The following HSPG2 variants were observed in gnomAD, a reference collection of about 807,000 sequenced individuals.
HSPG2 encodes the protein heparan sulfate proteoglycan 2.
A neutral mutation model predicts 526.6 loss-of-function variants in HSPG2; 278 were observed. The ratio of observed to expected loss-of-function variants is 0.53; its 90% CI spans 0.48 to 0.58. The LOEUF is 0.58. HSPG2 is among the 20% of genes least tolerant of loss of function. The pLI is 0.00. For missense variants in HSPG2, 5,354 were observed against 6,099.5 expected (o/e 0.88, Z 4.07); for synonymous variants, 2,465 against 2,555.4 (o/e 0.96, Z 1.07).
At position 21,823,374 on chromosome 1, in the gene HSPG2, G is replaced by T; in HGVS notation, c.13118C>A (p.Pro4373His). ...SARPGAPPPQ[P>H]LDLQHRAQAG... ...CTGGGCGCGGTGCTGCAGGTCCAGG[G>T]GCTGTGGGGGCGGGGCGCCGGGTCG... Residue 4373 changes from proline to histidine, a missense_variant, in exon 97 of 97, where the codon CCC becomes CAC. Pro to His is a moderately conservative substitution (Grantham distance 77, BLOSUM62 -2). Transcript: ENST00000374695. 2 of 1,551,510 alleles carry T rather than the reference G, an allele frequency of 1.3e-6. No homozygotes were observed. The highest frequency in any genetic ancestry group is 8.7e-7 in the Non-Finnish European group (1 of 1,152,746).
At chr1:21,917,157 C>G (rs1569577757) in intron 1 of HSPG2, among the ~76,000 whole-genome samples, 1 of 152,006 alleles carries the variant, frequency 6.6e-6, no homozygotes, top group Non-Finnish European at 1.5e-5. Flanking sequence ...AATGGCTGGG[C>G]GCGGTGGCAC....
chr1:21,826,743 A>T (rs2097976738), intron 91 of HSPG2, among the ~76,000 whole-genome samples: 1 of 152,034 alleles, frequency 6.6e-6, no homozygotes, highest in South Asian at 2.1e-4. Flanking sequence ...TCCCAACCTC[A>T]GGTGATCTGC....
At position 21,876,301 on chromosome 1, in the gene HSPG2, T is replaced by C. The variant is rs758485753; in HGVS notation, c.2931A>G (p.Gly977=). The C allele has an allele frequency of 6.2e-7, 1 of 1,613,940 alleles. No individual in the cohort carries two copies. The highest frequency in any genetic ancestry group is 1.1e-5 in the South Asian group (1 of 91,036). ...ATAAGAGTCTGTGGAAGGAGGAGAA[T>C]CCCAGTTCCCCGGGCGTGGGGGAGA... is the stretch of plus-strand genomic sequence containing the variant. ...GIFSPTPGEL[G]FSSFHRLLSG... The change falls in exon 23 of 97, where the codon GGA becomes GGG. Residue 977 remains glycine (G), a synonymous_variant. Coordinates refer to ENST00000374695, the MANE Select transcript of HSPG2 (RefSeq NM_005529.7).
At chr1:21,875,039 G>T in intron 25 of HSPG2, 37 bp from the exon 26 acceptor site, 1 of 1,468,790 alleles carries the variant, frequency 6.8e-7, no homozygotes, top group Non-Finnish European at 9.4e-7. Context: ...TAGGAGTGCT[G>T]GCTCTGTGCC....
chr1:21,829,471 G>A lies in HSPG2; in HGVS notation c.11904C>T (p.Phe3968=), dbSNP rs759194108. 1.1e-5 allele frequency: 17 copies of A among 1,613,398 alleles called. No homozygotes were observed. The South Asian group carries it at 1.8e-4, about 17-fold the overall frequency. ...CCACAGGCCCGCTCTTCCCCCCGCT[G>A]AACAGCAGGACCCCGTCAGGGGCGA... ...KPLAPDGVLL[F]SGGKSGPVED... The change falls in exon 87 of 97, where the codon TTC becomes TTT. Residue 3968 remains phenylalanine (F), a synonymous_variant. Transcript: ENST00000374695.
rs939588585 is a variant in HSPG2, at chr1:21,880,801, A to G, written c.1853T>C (p.Val618Ala). The part of the protein sequence containing the change: ...DSYGGSLRYN[V>A]RYELARGMLE... ...CATGCCACGGGCCAACTCGTAGCGC[A>G]CGTTGTAACGCAGGGAGCCGCCATA... The change falls in exon 15 of 97, where the codon GTG becomes GCG. Residue 618 changes from valine (V) to alanine (A), a missense_variant. Transcript: ENST00000374695. The G allele has an allele frequency of 2.5e-6, 4 of 1,596,110 alleles. No individual in the cohort carries two copies. The highest frequency in any genetic ancestry group is 3.4e-6 in the Non-Finnish European group (4 of 1,172,398).
At chr1:21,920,256 G>T (rs1296146341) in intron 1 of HSPG2, among the ~76,000 whole-genome samples, 1 of 152,234 alleles carries the variant, frequency 6.6e-6, no homozygotes, top group Non-Finnish European at 1.5e-5. Context: ...GAGGTTGAGG[G>T]GTTTGCCCAA....
At chr1:21,869,445 G>T in intron 33 of HSPG2, 1 of 986,016 alleles carries the variant, frequency 1.0e-6, no homozygotes, top group Non-Finnish European at 1.2e-6. Flanking sequence ...GGGATCCCTT[G>T]ATGGGCACCT....
rs2098046824 is a variant in HSPG2 at position 21,841,162 on chromosome 1, C to T, written c.9452G>A (p.Ser3151Asn). Residue 3151 changes from serine to asparagine, a missense_variant, in exon 71 of 97, where the codon AGC becomes AAC. By Grantham distance (46) the Ser-to-Asn change is conservative. Coordinates refer to ENST00000374695, the MANE Select transcript of HSPG2 (RefSeq NM_005529.7). ...CCGCTGCTCCAACTTGGCAGGGGTG[C>T]TGCTGATCCGGGTCCAACGAGCAGA... ...RSSARWTRIS[S>N]TPAKLEQRTY... 2.5e-6 allele frequency: 4 copies of T among 1,613,630 alleles called. No homozygotes were observed. In the South Asian group the frequency reaches 3.3e-5, roughly 13 times the overall value.
At chr1:21,842,691 G>C (rs1557698570) in intron 67 of HSPG2, 79 bp downstream of exon 67, 1 of 1,581,102 alleles carries the variant, frequency 6.3e-7, no homozygotes, top group Non-Finnish European at 8.7e-7. Context: ...GCTGGTGTTT[G>C]CATGAGGTTT....
At position 21,935,667 on chromosome 1, in the gene HSPG2, G is replaced by A. The variant is rs111925197; in HGVS notation, c.63+1488C>T. Among the ~76,000 whole-genome samples the A allele has an allele frequency of 2.8e-3, 432 of 152,316 alleles. 2 individuals carry two copies. Among genetic ancestry groups the A allele is most frequent in the African/African-American group, 7.2e-3 (301 of 41,578 alleles). ...CACCCACCGCCATCCTACCGCACCC[G>A]GGCATGGAGGAGCCCCTCATCGGGG... On this transcript the variant is annotated intron_variant, in intron 1 of 96. Coordinates refer to ENST00000374695, the MANE Select transcript of HSPG2 (RefSeq NM_005529.7).
rs758584149 is a variant in HSPG2 at position 21,839,968 on chromosome 1, T to G, written c.9563A>C (p.Gln3188Pro). 19 of 1,614,208 alleles carry G rather than the reference T, an allele frequency of 1.2e-5. 1 individual carries two copies. The highest frequency in any genetic ancestry group is 1.6e-5 in the Non-Finnish European group (19 of 1,180,046). Reference sequence around the variant, plus strand: ...CTTCTGTGCTGTGCCTAGTGCATTCTGAGCAAGGCACACATAAGTGCCCGC... The same window carrying G: ...CTTCTGTGCTGTGCCTAGTGCATTCGGAGCAAGGCACACATAAGTGCCCGC... ...SDAGTYVCLA[Q>P]NALGTAQKQV... The change falls in exon 72 of 97, where the codon CAG becomes CCG. Residue 3188 changes from glutamine to proline, a missense_variant. Gln to Pro is a moderately conservative substitution (Grantham distance 76, BLOSUM62 -1). Coordinates refer to ENST00000374695, the MANE Select transcript of HSPG2 (RefSeq NM_005529.7). The surrounding 1 kb of genome is among the most constrained non-coding windows in gnomAD (Gnocchi z 4.5).
rs772597048 is a variant in HSPG2, at chr1:21,887,378, T to C, written c.958+42A>G. 2.5e-6 allele frequency: 4 copies of C among 1,613,886 alleles called. No homozygotes were observed. In the South Asian group the frequency reaches 4.4e-5, roughly 18 times the overall value. ...GTCAGCAGCATCCTCCCGGGCCAGC[T>C]TCCTGCTCCCCGCACCCACCTGCAC... is the stretch of plus-strand genomic sequence containing the variant. On this transcript the variant is annotated intron_variant, in intron 8 of 96. Transcript: ENST00000374695. The surrounding 1 kb of genome is among the most constrained non-coding windows in gnomAD (Gnocchi z 5.0).
At chr1:21,902,380 C>T (rs1463869164) in intron 1 of HSPG2, among the ~76,000 whole-genome samples, 5 of 152,258 alleles carry the variant, frequency 3.3e-5, no homozygotes, top group East Asian at 1.9e-4. Context: ...GGGTCCAACA[C>T]GCATCCAGGG....
Position 21,824,070 on chromosome 1 carries a change from C to G in HSPG2, c.12899+51G>C. On this transcript the variant is annotated intron_variant, in intron 95 of 96. Transcript: ENST00000374695. This position sits in a 1 kb window ranked among gnomAD's most constrained non-coding sequence, Gnocchi z 5.9. The stretch of plus-strand genomic sequence containing the variant: ...CTGCCCATGGTAGGGGGCGTCCTGC[C>G]CCACTCCAGAACGCTGGGCCCCATC... 6.6e-7 allele frequency: 1 copy of G among 1,518,528 alleles called. No individual in the cohort carries two copies. The highest frequency in any genetic ancestry group is 9.1e-7 in the Non-Finnish European group (1 of 1,103,076). 94.1% of individuals were successfully genotyped at this position (1,518,528 alleles called of 1,614,324 possible). A position where few individuals can be genotyped will look rare whatever the true frequency, so the allele number is the denominator to read the frequency against.
intron 40 of HSPG2, 78 bp from the exon 41 acceptor site, chr1:21,860,080 C>G (rs1639672852): frequency 1.3e-6 from 2 of 1,597,208 alleles, no homozygotes; most frequent in South Asian, 2.2e-5. Context: ...GCTGGGGTAC[C>G]CCACCCTCAG....
At chr1:21,923,883 G>A (rs1329677103) in intron 1 of HSPG2, among the ~76,000 whole-genome samples, 7 of 152,122 alleles carry the variant, frequency 4.6e-5, no homozygotes, top group Non-Finnish European at 8.8e-5. Flanking sequence ...TTGCTTCTGG[G>A]GAAAATTAAG....
intron 29 of HSPG2, among the ~76,000 whole-genome samples, 176 bp downstream of exon 29, chr1:21,873,749 C>G (rs1024827245): frequency 3.9e-5 from 6 of 152,118 alleles, no homozygotes; most frequent in Non-Finnish European, 7.4e-5. Flanking sequence ...GTCTTGAATT[C>G]TGGGCTAGAG....
chr1:21,871,464 A>G (rs1373587858), intron 33 of HSPG2, among the ~76,000 whole-genome samples: 1 of 151,798 alleles, frequency 6.6e-6, no homozygotes, highest in Non-Finnish European at 1.5e-5. Context: ...GTTTCGTCAC[A>G]TTGCCCAGGC....
Sources: allele counts gnomAD v4.1 joint callset (sites outside exome capture counted in the v4.1 genomes callset), GRCh38; gene constraint gnomAD v4.1.1; non-coding constraint Gnocchi (gnomAD v3.1); transcripts MANE v1.5; gene names NCBI Gene and HGNC (gene_info 2026-07-23, HGNC 2026-07-21).